The following RAPGEF2 variants were observed in gnomAD, a reference collection of about 807,000 sequenced individuals.
RAPGEF2 encodes PDZ domain containing guanine nucleotide exchange factor (GEF) 1.
Under a neutral mutation model 186.7 loss-of-function variants are expected in RAPGEF2, and 54 were observed. The observed-to-expected ratio is 0.29, with a 90% CI of 0.23 to 0.36. The LOEUF is 0.36. Ranked by LOEUF, RAPGEF2 falls within the 10% of genes least tolerant of loss-of-function variation. The pLI, the probability that RAPGEF2 is intolerant of heterozygous loss-of-function variation, is 1.00. For missense variants in RAPGEF2, 1,532 were observed against 2,045.0 expected, an observed-to-expected ratio of 0.75 and a Z score of 4.84; for synonymous variants, 712 against 705.9, an observed-to-expected ratio of 1.01 and a Z score of -0.14.
chr4:159,300,793 T>A (rs1163554505), intron 7 of RAPGEF2, among the ~76,000 whole-genome samples: 56 of 152,292 alleles, frequency 3.7e-4, no homozygotes, highest in Non-Finnish European at 4.4e-5. Context: ...TAAGGGATGC[T>A]TGCTGTCACG....
intron 7 of RAPGEF2, among the ~76,000 whole-genome samples, chr4:159,281,671 C>CAA (rs11346544): frequency 1.6e-4 from 14 of 85,148 alleles, no homozygotes; most frequent in Middle Eastern, 0.013. Context: ...AACTTGATTT[C>CAA]AAAAAAAAAA....
intron 10 of RAPGEF2, among the ~76,000 whole-genome samples, chr4:159,323,037 A>C (rs1160004302): frequency 6.6e-6 from 1 of 152,202 alleles, no homozygotes; most frequent in Non-Finnish European, 1.5e-5. Context: ...ACAGAATTTC[A>C]TATGAAAATA....
intron 6 of RAPGEF2, among the ~76,000 whole-genome samples, 166 bp from the exon 7 acceptor site, chr4:159,243,608 A>G (rs899274086): frequency 6.6e-6 from 1 of 152,044 alleles, no homozygotes; most frequent in Non-Finnish European, 1.5e-5. Flanking sequence ...TTTCAAGTGC[A>G]TGGCTAAATA....
At chr4:159,286,368 T>A (rs1760495122) in intron 7 of RAPGEF2, among the ~76,000 whole-genome samples, 2 of 152,160 alleles carry the variant, frequency 1.3e-5, no homozygotes. Context: ...TGTTGTACTG[T>A]TCCAAATACC....
intron 10 of RAPGEF2, among the ~76,000 whole-genome samples, chr4:159,322,991 C>T (rs1469724941): frequency 1.3e-5 from 2 of 152,152 alleles, no homozygotes; most frequent in Admixed American, 6.5e-5. Context: ...CCATATGAGT[C>T]ACTATATTCC....
Position 159,352,908 on chromosome 4 carries a change from G to A in RAPGEF2, c.4089G>A (p.Leu1363=), listed in dbSNP as rs1332347554. 6.2e-7 allele frequency: 1 copy of A among 1,608,848 alleles called. No individual in the cohort carries two copies. The highest frequency in any genetic ancestry group is 1.3e-5 in the African/African-American group (1 of 74,762). The change falls in exon 27 of 30, where the codon TTG becomes TTA. Residue 1363 remains leucine, a splice_region_variant and synonymous_variant. Coordinates refer to ENST00000691494, the MANE Select transcript of RAPGEF2 (RefSeq NM_001394067.2). ...RTMIEPDQYS[L]GSYAPMSEGR... ...TGATTGAACCTGATCAGTATAGCTT[G>A]GGGTAGGTGGCTCTTTTTAATATTC...
chr4:159,353,666 T>C lies in RAPGEF2; in HGVS notation c.4271T>C (p.Ile1424Thr). The C allele has an allele frequency of 6.3e-7, 1 of 1,589,316 alleles. No individual in the cohort carries two copies. The highest frequency in any genetic ancestry group is 8.6e-7 in the Non-Finnish European group (1 of 1,168,726). Reference sequence around the variant, plus strand: ...GGCTCCCATGATAATATACAGACGATCCAGCACCAGAGAAGCTGGGAGACT... The same window carrying C: ...GGCTCCCATGATAATATACAGACGACCCAGCACCAGAGAAGCTGGGAGACT... Reference protein sequence around the residue: ...SSGSHDNIQTIQHQRSWETLP... With the variant: ...SSGSHDNIQTTQHQRSWETLP... The change falls in exon 28 of 30, where the codon ATC becomes ACC. Residue 1424 changes from isoleucine to threonine, a missense_variant. Ile to Thr is a moderately conservative substitution (Grantham distance 89). Coordinates refer to ENST00000691494, the MANE Select transcript of RAPGEF2 (RefSeq NM_001394067.2). The surrounding 1 kb of genome is among the most constrained non-coding windows in gnomAD (Gnocchi z 4.3).
chr4:159,116,912 G>T (rs995056124), intron 1 of RAPGEF2, among the ~76,000 whole-genome samples: 2 of 152,288 alleles, frequency 1.3e-5, no homozygotes, highest in African/African-American at 4.8e-5. Flanking sequence ...AGGAAAAACA[G>T]CTAATGCATG....
intron 1 of RAPGEF2, among the ~76,000 whole-genome samples, chr4:159,182,519 C>T (rs1275454774): frequency 6.6e-6 from 1 of 151,000 alleles, no homozygotes; most frequent in Non-Finnish European, 1.5e-5. Flanking sequence ...CCTTAGCCTC[C>T]CAAGTAGCTG....
intron 4 of RAPGEF2, among the ~76,000 whole-genome samples, chr4:159,230,791 C>T (rs1752546549): frequency 6.6e-6 from 1 of 152,180 alleles, no homozygotes; most frequent in South Asian, 2.1e-4. Flanking sequence ...AAACTCACTT[C>T]TCAACTTGTC....
At chr4:159,323,668 T>C in intron 11 of RAPGEF2, 51 bp downstream of exon 11, 1 of 1,106,322 alleles carries the variant, frequency 9.0e-7, no homozygotes, top group Non-Finnish European at 1.2e-6. Context: ...TAAAGAACAC[T>C]TATATGCCAT....
intron 7 of RAPGEF2, chr4:159,267,295 C>T (rs1279119688): frequency 7.8e-7 from 1 of 1,289,374 alleles, no homozygotes; most frequent in Non-Finnish European, 1.0e-6. Context: ...CTGCCTGCAG[C>T]CATGGTCCTC....
chr4:159,143,796 C>A (rs891634031), intron 1 of RAPGEF2, among the ~76,000 whole-genome samples: 1 of 152,086 alleles, frequency 6.6e-6, no homozygotes, highest in African/African-American at 2.4e-5. Context: ...GAGCAAATGC[C>A]TGCCTTTTTG....
intron 3 of RAPGEF2, among the ~76,000 whole-genome samples, chr4:159,198,254 T>TTC: frequency 9.7e-6 from 1 of 103,574 alleles, no homozygotes; most frequent in African/African-American, 4.3e-5. Flanking sequence ...CTTCCTTTCT[T>TTC]TCTTTCTCTT....
chr4:159,262,327 G>A (rs1206198422), intron 7 of RAPGEF2, among the ~76,000 whole-genome samples: 3 of 152,130 alleles, frequency 2.0e-5, no homozygotes, highest in Non-Finnish European at 2.9e-5. Flanking sequence ...AATCCCAAGG[G>A]AATATATTAC....
chr4:159,292,662 C>T (rs1761391575), intron 7 of RAPGEF2, among the ~76,000 whole-genome samples: 1 of 152,032 alleles, frequency 6.6e-6, no homozygotes, highest in Non-Finnish European at 1.5e-5. Flanking sequence ...AGTATTTATT[C>T]TCAAGTGGTC....
At chr4:159,258,027 C>T (rs979789556) in intron 7 of RAPGEF2, among the ~76,000 whole-genome samples, 2 of 152,148 alleles carry the variant, frequency 1.3e-5, no homozygotes, top group African/African-American at 4.8e-5. Flanking sequence ...CTTTATGACA[C>T]ACCTAGGTAA....
chr4:159,344,098 T>C, intron 23 of RAPGEF2, 39 bp downstream of exon 23: 1 of 1,520,776 alleles, frequency 6.6e-7, no homozygotes, highest in South Asian at 1.1e-5. Context: ...ACACAGTTCT[T>C]ATTCTGCTCA....
intron 1 of RAPGEF2, among the ~76,000 whole-genome samples, chr4:159,151,792 A>C (rs1371103480): frequency 1.3e-5 from 2 of 152,072 alleles, no homozygotes; most frequent in African/African-American, 2.4e-5. Context: ...GTGTCTGTTT[A>C]AAGTAGGGTG....
Sources: allele counts gnomAD v4.1 joint callset (sites outside exome capture counted in the v4.1 genomes callset), GRCh38; gene constraint gnomAD v4.1.1; non-coding constraint Gnocchi (gnomAD v3.1); transcripts MANE v1.5; gene names NCBI Gene and HGNC (gene_info 2026-07-23, HGNC 2026-07-21).